The following CSF2RA variants were observed in gnomAD, a reference collection of about 807,000 sequenced individuals.
CSF2RA encodes colony stimulating factor 2 receptor subunit alpha.
Under a neutral mutation model 51.6 loss-of-function variants are expected in CSF2RA, and 42 were observed. The ratio of observed to expected loss-of-function variants is 0.81; its 90% CI spans 0.64 to 1.05. The LOEUF (loss-of-function observed/expected upper bound fraction) is 1.05, where lower values mean the gene tolerates loss of function less well. CSF2RA is among the 50% of genes least tolerant of loss of function. The pLI is 0.00. For synonymous variants in CSF2RA, 222 were observed against 193.0 expected (o/e 1.15, Z -1.24); for missense variants, 530 against 501.1 (o/e 1.06, Z -0.55).
chrX:1,307,045 G>A (rs781026974), intron 12 of CSF2RA, among the ~76,000 whole-genome samples: 13 of 151,834 alleles, frequency 8.6e-5, no homozygotes, highest in African/African-American at 2.7e-4. Context: ...GAACAAGGGC[G>A]AGGAACCATG....
chrX:1,275,797 A>T (rs1470489822), intron 2 of CSF2RA, among the ~76,000 whole-genome samples: 1 of 151,824 alleles, frequency 6.6e-6, no homozygotes, highest in African/African-American at 2.4e-5. Context: ...TGACTTCGTG[A>T]TCCGCCCGCC....
the CSF2RA span, among the ~76,000 whole-genome samples, chrX:1,324,984 G>T: frequency 6.6e-6 from 1 of 152,026 alleles, no homozygotes; most frequent in Non-Finnish European, 1.5e-5. Flanking sequence ...AGCTGTCTGT[G>T]CCCCAAACTG....
chrX:1,284,264 C>T (rs1193306467), intron 3 of CSF2RA, among the ~76,000 whole-genome samples: 7 of 137,792 alleles, frequency 5.1e-5, no homozygotes, highest in African/African-American at 1.7e-4. Context: ...AGTGCAGTGG[C>T]GTGATCTCGG....
At chrX:1,315,808 TAGA>T in the CSF2RA span, among the ~76,000 whole-genome samples, 1,508 of 81,290 alleles carry the variant, frequency 0.019, 4 homozygotes, top group South Asian at 0.042. Flanking sequence ...GATAGATAGA[TAGA>T]TAGATAGATT....
chrX:1,317,568 A>ATT, the CSF2RA span, among the ~76,000 whole-genome samples: 4 of 105,230 alleles, frequency 3.8e-5, no homozygotes, highest in African/African-American at 1.1e-4. Flanking sequence ...TTTTTATTTT[A>ATT]TTTTATTTTT....
the CSF2RA span, among the ~76,000 whole-genome samples, chrX:1,316,260 TGATAGATAG>T: frequency 2.1e-5 from 2 of 94,190 alleles, no homozygotes; most frequent in South Asian, 7.9e-4. Context: ...ATTAGATAGA[TGATAGATAG>T]ATAGATAGAT....
intron 2 of CSF2RA, among the ~76,000 whole-genome samples, chrX:1,278,131 C>T (rs1327620448): frequency 7.6e-5 from 11 of 145,242 alleles, no homozygotes; most frequent in African/African-American, 2.8e-4. Flanking sequence ...GTCAGGAGTT[C>T]GAGACCAGCC....
At chrX:1,319,343 G>C in the CSF2RA span, among the ~76,000 whole-genome samples, 2 of 148,640 alleles carry the variant, frequency 1.3e-5, no homozygotes, top group African/African-American at 2.4e-5. Context: ...GCCCAGGCTG[G>C]AGTGCACGAT....
In CSF2RA at chrX:1,294,330, C is replaced by T. The variant is rs753455319; in HGVS notation, c.649C>T (p.Arg217Ter). The T allele has an allele frequency of 1.9e-6, 3 of 1,613,356 alleles. No individual in the cohort carries two copies. Among genetic ancestry groups the T allele is most frequent in the East Asian group, 2.2e-5 (1 of 44,850 alleles). ...DSLLDTKKIE[R>*]FNPPSNVTVR... ...TGTGTCCTGCGCCCTCGTTACAGAACGATTCAACCCTCCCAGCAATGTCAC... is the reference window on the plus strand; with the variant it reads ...TGTGTCCTGCGCCCTCGTTACAGAATGATTCAACCCTCCCAGCAATGTCAC... The change falls in exon 8 of 13, where the codon CGA becomes TGA. Residue 217 changes from arginine to a stop codon, truncating the protein, a stop_gained and splice_region_variant. Transcript: ENST00000381529. LOFTEE classifies it high-confidence loss of function.
intron 9 of CSF2RA, 109 bp from the exon 10 acceptor site, chrX:1,300,382 A>G: frequency 7.3e-7 from 1 of 1,362,234 alleles, no homozygotes; most frequent in East Asian, 2.3e-5. Flanking sequence ...AAGAAGAAAA[A>G]GAAAAAAAGA....
chrX:1,288,404 C>T lies in CSF2RA; in HGVS notation c.220-115C>T, dbSNP rs1484918206. ...GGCTGAGGCGGGAGAATTGCTTGAA[C>T]CTGGAAGGCGGAGGTTGTAGTGAGC... is the stretch of plus-strand genomic sequence containing the variant. On this transcript the variant is annotated intron_variant, in intron 4 of 12. Coordinates refer to ENST00000381529, the MANE Select transcript of CSF2RA (RefSeq NM_172245.4). The T allele has an allele frequency of 7.9e-5, 91 of 1,146,854 alleles. 2 individuals are homozygous for T. In the African/African-American group the frequency reaches 1.2e-3, roughly 15 times the overall value. 71.0% of individuals were successfully genotyped at this position (1,146,854 alleles called of 1,614,324 possible).
intron 1 of CSF2RA, among the ~76,000 whole-genome samples, chrX:1,272,488 ATT>A: frequency 6.7e-6 from 1 of 150,318 alleles, no homozygotes; most frequent in Admixed American, 6.7e-5. Flanking sequence ...ATTTTATTTT[ATT>A]TTATTTTATT....
intron 10 of CSF2RA, among the ~76,000 whole-genome samples, chrX:1,302,285 T>A (rs752105863): frequency 6.6e-6 from 1 of 152,174 alleles, no homozygotes; most frequent in African/African-American, 2.4e-5. Flanking sequence ...CTGAAGATGA[T>A]TTTGAGGGCT....
At chrX:1,287,796 G>T (rs1442522707) in intron 4 of CSF2RA, among the ~76,000 whole-genome samples, 1 of 134,746 alleles carries the variant, frequency 7.4e-6, no homozygotes, top group African/African-American at 2.8e-5. Flanking sequence ...GAGTGCACTG[G>T]CGTGATCTCA....
chrX:1,294,094 C>T (rs2091681761), intron 7 of CSF2RA: 1 of 323,430 alleles, frequency 3.1e-6, no homozygotes, highest in Non-Finnish European at 5.8e-6. Flanking sequence ...CCTGCCCCAC[C>T]TCTACCTGGA....
At chrX:1,319,739 G>C in the CSF2RA span, among the ~76,000 whole-genome samples, 12 of 136,420 alleles carry the variant, frequency 8.8e-5, no homozygotes, top group African/African-American at 3.3e-4. Flanking sequence ...TTTTTAGACA[G>C]AGTCTCACTC....
At chrX:1,294,921 G>T (rs1434841424) in intron 8 of CSF2RA, among the ~76,000 whole-genome samples, 1 of 151,588 alleles carries the variant, frequency 6.6e-6, no homozygotes, top group Non-Finnish European at 1.5e-5. Flanking sequence ...GACAGGAGGA[G>T]TTCTTGTCCC....
At chrX:1,308,374 G>C in intron 12 of CSF2RA, among the ~76,000 whole-genome samples, 1 of 152,182 alleles carries the variant, frequency 6.6e-6, no homozygotes, top group South Asian at 2.1e-4. Flanking sequence ...AAGGTGAGAG[G>C]GGGAGGAAAG....
At chrX:1,272,850 A>C (rs758258730) in intron 1 of CSF2RA, among the ~76,000 whole-genome samples, 2 of 134,872 alleles carry the variant, frequency 1.5e-5, no homozygotes, top group South Asian at 4.6e-4. Flanking sequence ...ATGGAGTCTA[A>C]CTTTGTCGCC....
Sources: gnomAD v4.1 joint callset for allele counts (sites outside exome capture counted in the v4.1 genomes callset) on GRCh38, gnomAD v4.1.1 for gene constraint, MANE v1.5 for transcripts, NCBI Gene and HGNC (gene_info 2026-07-23, HGNC 2026-07-21) for gene names.